The following SLC17A5 variants were observed in gnomAD, a reference collection of about 807,000 sequenced individuals.
SLC17A5 encodes sialin.
Under a neutral mutation model 59.4 loss-of-function variants are expected in SLC17A5, and 47 were observed. The observed-to-expected ratio is 0.79, with a 90% CI of 0.63 to 1.01. The LOEUF is 1.01. SLC17A5 is among the 50% of genes least tolerant of loss of function. SLC17A5 has a pLI of 0.00. For missense variants in SLC17A5, 522 were observed against 595.5 expected, an observed-to-expected ratio of 0.88 and a Z score of 1.28; for synonymous variants, 202 against 210.7, an observed-to-expected ratio of 0.96 and a Z score of 0.36.
intron 5 of SLC17A5, 21 bp from the exon 6 acceptor site, chr6:73,635,521 G>T: frequency 8.2e-7 from 1 of 1,212,728 alleles, no homozygotes. Context: ...AAAAATAATA[G>T]TTAGATAAAA....
chr6:73,649,845 A>C (rs1769762661), intron 1 of SLC17A5, among the ~76,000 whole-genome samples: 2 of 152,116 alleles, frequency 1.3e-5, no homozygotes, highest in African/African-American at 2.4e-5. Context: ...GGGAAAAGTA[A>C]GAAATTGTTG....
chr6:73,645,000 GT>G (rs1245518521), intron 1 of SLC17A5, among the ~76,000 whole-genome samples: 1 of 152,154 alleles, frequency 6.6e-6, no homozygotes, highest in Non-Finnish European at 1.5e-5. Flanking sequence ...GGAGGTAGTA[GT>G]TTTATCACCT....
Position 73,594,625 on chromosome 6 carries a change from T to C in SLC17A5, c.*452A>G. On this transcript the variant is annotated 3_prime_UTR_variant, in exon 11 of 11. Coordinates refer to ENST00000355773, the MANE Select transcript of SLC17A5 (RefSeq NM_012434.5). ...TTGCCAGGCGAAATTATACAGTGGA[T>C]GGCAGCTCCACAGAGATGCTAAAGT... The C allele has an allele frequency of 9.3e-6, 2 of 214,698 alleles. No homozygotes were observed. Among genetic ancestry groups the C allele is most frequent in the Non-Finnish European group, 1.9e-5 (2 of 106,584 alleles). 13.3% of individuals were successfully genotyped at this position (214,698 alleles called of 1,614,324 possible). A position where few individuals can be genotyped will look rare whatever the true frequency, so the allele number is the denominator to read the frequency against.
At chr6:73,636,520 G>A (rs1440690318) in intron 5 of SLC17A5, 101 bp downstream of exon 5, 3 of 718,644 alleles carry the variant, frequency 4.2e-6, no homozygotes, top group Non-Finnish European at 7.3e-6. Context: ...TCAGAACTGT[G>A]GTTCAGTGAT....
At chr6:73,651,004 A>T (rs1016167798) in intron 1 of SLC17A5, among the ~76,000 whole-genome samples, 4 of 152,212 alleles carry the variant, frequency 2.6e-5, no homozygotes, top group Non-Finnish European at 4.4e-5. Flanking sequence ...ATTTACAGTA[A>T]ATCAGGAGGG....
chr6:73,638,577 G>T, intron 3 of SLC17A5, 78 bp from the exon 4 acceptor site: 2 of 1,122,568 alleles, frequency 1.8e-6, no homozygotes, highest in African/African-American at 1.5e-5. Context: ...TAAGTATTTT[G>T]CTACAAAAGC....
intron 1 of SLC17A5, among the ~76,000 whole-genome samples, chr6:73,651,384 C>G (rs993790860): frequency 4.8e-4 from 62 of 128,908 alleles, no homozygotes; most frequent in African/African-American, 1.9e-3. Flanking sequence ...TCACTTGAAC[C>G]GGGGAGGCTG....
chr6:73,618,061 C>A (rs1767953376), intron 7 of SLC17A5, among the ~76,000 whole-genome samples: 1 of 151,742 alleles, frequency 6.6e-6, no homozygotes, highest in South Asian at 2.1e-4. Context: ...AAAACCCTGT[C>A]TCTACAAAAA....
intron 6 of SLC17A5, among the ~76,000 whole-genome samples, chr6:73,627,926 T>G (rs1581976319): frequency 1.3e-5 from 2 of 151,170 alleles, no homozygotes; most frequent in East Asian, 3.9e-4. Flanking sequence ...CTGCCACTTT[T>G]TTTTTTTTTT....
intron 6 of SLC17A5, among the ~76,000 whole-genome samples, chr6:73,627,343 G>T (rs574043731): frequency 1.3e-5 from 2 of 152,200 alleles, no homozygotes; most frequent in African/African-American, 4.8e-5. Context: ...CCAAAGTACT[G>T]GGATTACAGG....
At chr6:73,621,660 C>A in intron 7 of SLC17A5, 144 bp downstream of exon 7, 3 of 663,048 alleles carry the variant, frequency 4.5e-6, no homozygotes, top group South Asian at 1.9e-5. Context: ...CTTAATAGTC[C>A]TTTGATGTAT....
intron 6 of SLC17A5, among the ~76,000 whole-genome samples, chr6:73,625,251 A>G (rs2094094108): frequency 6.6e-6 from 1 of 152,066 alleles, no homozygotes; most frequent in South Asian, 2.1e-4. Context: ...CAGTGGCGCG[A>G]TCTTGGCTCA....
At chr6:73,628,763 G>A (rs1768553734) in intron 6 of SLC17A5, among the ~76,000 whole-genome samples, 1 of 152,084 alleles carries the variant, frequency 6.6e-6, no homozygotes, top group Non-Finnish European at 1.5e-5. Context: ...TCTAATAATA[G>A]CTCAATCAAC....
At chr6:73,650,386 G>A (rs577560059) in intron 1 of SLC17A5, among the ~76,000 whole-genome samples, 2 of 150,970 alleles carry the variant, frequency 1.3e-5, no homozygotes, top group South Asian at 4.2e-4. Context: ...GCGGGTGCCT[G>A]TAGTCCCAGC....
intron 1 of SLC17A5, chr6:73,645,440 A>T: frequency 1.0e-6 from 1 of 985,392 alleles, no homozygotes; most frequent in Non-Finnish European, 1.2e-6. Flanking sequence ...GTAGTTATCA[A>T]GCGTAAAGGG....
chr6:73,614,277 T>C (rs1581965261), intron 8 of SLC17A5, among the ~76,000 whole-genome samples: 1 of 151,260 alleles, frequency 6.6e-6, no homozygotes, highest in Non-Finnish European at 1.5e-5. Flanking sequence ...AGAAAAAAAA[T>C]AAGAAAAGAA....
chr6:73,594,866 T>G lies in SLC17A5; in HGVS notation c.*211A>C, dbSNP rs972797841. On this transcript the variant is annotated 3_prime_UTR_variant, in exon 11 of 11. Coordinates refer to ENST00000355773, the MANE Select transcript of SLC17A5 (RefSeq NM_012434.5). ...AGCAGGCAGGTATGTGAACCTAAAGTAGAAGTCCTAGCTTACATATTATTC... is the reference window on the plus strand; with the variant it reads ...AGCAGGCAGGTATGTGAACCTAAAGGAGAAGTCCTAGCTTACATATTATTC... The G allele has an allele frequency of 1.0e-5, 6 of 578,760 alleles. No individual in the cohort carries two copies. The highest frequency in any genetic ancestry group is 1.8e-5 in the Non-Finnish European group (6 of 331,572). The allele number at this position is 578,760 out of a possible 1,614,324, so 35.9% of individuals were successfully genotyped here.
At chr6:73,647,328 T>C (rs1401157005) in intron 1 of SLC17A5, among the ~76,000 whole-genome samples, 1 of 152,184 alleles carries the variant, frequency 6.6e-6, no homozygotes, top group East Asian at 1.9e-4. Flanking sequence ...ACTGTAGCTT[T>C]CCAGCTAAGA....
intron 6 of SLC17A5, among the ~76,000 whole-genome samples, chr6:73,629,554 C>T (rs141362999): frequency 0.035 from 5,299 of 152,194 alleles, 135 homozygotes; most frequent in Non-Finnish European, 0.054. Context: ...TGGTAGATCA[C>T]CTGAGGTTGG....
Sources: gnomAD v4.1 joint callset for allele counts (sites outside exome capture counted in the v4.1 genomes callset) on GRCh38, gnomAD v4.1.1 for gene constraint, MANE v1.5 for transcripts, NCBI Gene and HGNC (gene_info 2026-07-23, HGNC 2026-07-21) for gene names.